TECRL: variants seen among roughly 807,000 people sequenced by gnomAD.
The protein encoded by TECRL is trans-2,3-enoyl-CoA reductase-like.
TECRL carries 63 observed loss-of-function variants against 52.8 expected under a neutral mutation model. The ratio of observed to expected loss-of-function variants is 1.19; its 90% CI spans 0.97 to 1.47. The LOEUF (loss-of-function observed/expected upper bound fraction) is 1.47. TECRL is among the 40% of genes most tolerant of loss of function. The pLI is 0.00. For synonymous variants in TECRL, 164 were observed against 141.9 expected (o/e 1.16, Z -1.10); for missense variants, 482 against 429.6 (o/e 1.12, Z -1.08).
intron 1 of TECRL, among the ~76,000 whole-genome samples, chr4:64,396,744 A>T (rs1230084493): frequency 1.3e-5 from 2 of 151,982 alleles, no homozygotes; most frequent in Non-Finnish European, 2.9e-5. Context: ...TAGTTCCATG[A>T]TTGTATTTCA....
At chr4:64,347,467 C>T (rs1202278439) in intron 2 of TECRL, among the ~76,000 whole-genome samples, 1 of 152,126 alleles carries the variant, frequency 6.6e-6, no homozygotes, top group African/African-American at 2.4e-5. Flanking sequence ...TTCATTTTCA[C>T]ACAACTGTAA....
At chr4:64,326,585 C>A (rs1332759479) in intron 3 of TECRL, among the ~76,000 whole-genome samples, 2 of 152,038 alleles carry the variant, frequency 1.3e-5, no homozygotes, top group East Asian at 3.9e-4. Context: ...TGTGAGTAGT[C>A]CAAACTATTT....
At chr4:64,303,358 T>C (rs902993943) in intron 7 of TECRL, among the ~76,000 whole-genome samples, 3 of 151,614 alleles carry the variant, frequency 2.0e-5, no homozygotes, top group Admixed American at 2.0e-4. Context: ...GTTTAAGAAA[T>C]AGGAGTCTCT....
chr4:64,328,679 A>G, intron 2 of TECRL, 123 bp from the exon 3 acceptor site: 4 of 728,142 alleles, frequency 5.5e-6, no homozygotes, highest in Non-Finnish European at 9.3e-6. Flanking sequence ...ATCTAGTGTC[A>G]GAAATAGAAA....
Position 64,299,986 on chromosome 4 carries a change from A to G in TECRL, c.762T>C (p.Ala254=). 1 of 1,580,176 alleles carries G rather than the reference A, an allele frequency of 6.3e-7. No individual in the cohort carries two copies. The highest frequency in any genetic ancestry group is 8.6e-7 in the Non-Finnish European group (1 of 1,160,130). ...SFGNRQITVS[A]INFLICEAGN... is the part of the protein sequence containing the mutation. ...ATATGATACATACCAGAAAATTGAT[A>G]GCAGATACTGTGATTTGCCTGTTTC... The change falls in exon 8 of 12, where the codon GCT becomes GCC. Residue 254 remains alanine (A), a synonymous_variant. Coordinates refer to ENST00000381210, the MANE Select transcript of TECRL (RefSeq NM_001010874.5).
chr4:64,393,984 T>A (rs900784491), intron 1 of TECRL, among the ~76,000 whole-genome samples: 2 of 152,070 alleles, frequency 1.3e-5, no homozygotes, highest in African/African-American at 4.8e-5. Flanking sequence ...AAATTCAGAC[T>A]TTTTTGGAGT....
intron 9 of TECRL, among the ~76,000 whole-genome samples, chr4:64,283,455 C>T (rs2109929861): frequency 6.6e-6 from 1 of 152,132 alleles, no homozygotes; most frequent in Middle Eastern, 3.4e-3. Context: ...GCTAATGGTA[C>T]AGGGTAGCAA....
intron 9 of TECRL, among the ~76,000 whole-genome samples, chr4:64,284,149 C>A (rs976791308): frequency 6.6e-6 from 1 of 151,968 alleles, no homozygotes; most frequent in Non-Finnish European, 1.5e-5. Flanking sequence ...GTTTTTGGAG[C>A]ACTGTCCTGG....
At chr4:64,407,961 A>G (rs918978377) in intron 1 of TECRL, among the ~76,000 whole-genome samples, 2 of 151,700 alleles carry the variant, frequency 1.3e-5, no homozygotes, top group African/African-American at 4.8e-5. Context: ...TCGCTTATAT[A>G]TGGCCTCAGT....
rs1718410471 is a variant in TECRL, at chr4:64,328,505, T to G, written c.331+7A>C. On this transcript the variant is annotated splice_region_variant and intron_variant, in intron 3 of 11. Coordinates refer to ENST00000381210, the MANE Select transcript of TECRL (RefSeq NM_001010874.5). ...AAATAAACACATCAGTGAAAAATGC[T>G]TCTTACCACATTCTAGCTGCAGACC... 6.2e-7 allele frequency: 1 copy of G among 1,610,354 alleles called. No homozygotes were observed. Among genetic ancestry groups the G allele is most frequent in the African/African-American group, 1.3e-5 (1 of 74,804 alleles).
chr4:64,322,760 G>A lies in TECRL; in HGVS notation c.364C>T (p.Gln122Ter). 2 of 1,611,870 alleles carry A rather than the reference G, an allele frequency of 1.2e-6. No homozygotes were observed. The highest frequency in any genetic ancestry group is 1.7e-6 in the Non-Finnish European group (2 of 1,178,912). The change falls in exon 4 of 12, where the codon CAA becomes TAA. Residue 122 changes from glutamine to a stop codon, truncating the protein, a stop_gained. Transcript: ENST00000381210. LOFTEE classifies it high-confidence loss of function. ...ACAATGGAGGAAGCTGCAATACTTT[G>A]AATGGTAATGTAGTCCTTCAAAAAA... ...GPFLKDYITI[Q>*]SIAASSIVTL...
chr4:64,301,285 T>A (rs951360647), intron 7 of TECRL, among the ~76,000 whole-genome samples: 4 of 151,148 alleles, frequency 2.6e-5, no homozygotes, highest in Non-Finnish European at 5.9e-5. Context: ...TTATAATATT[T>A]GATATAACAA....
At chr4:64,349,505 A>G (rs1720231323) in intron 2 of TECRL, among the ~76,000 whole-genome samples, 1 of 152,138 alleles carries the variant, frequency 6.6e-6, no homozygotes, top group South Asian at 2.1e-4. Context: ...GAAGAGTTTG[A>G]TTACCCTGAG....
chr4:64,315,607 AT>A (rs11310014), intron 4 of TECRL, among the ~76,000 whole-genome samples: 150,738 of 151,910 alleles, frequency 0.99, 74,797 homozygotes, highest in Non-Finnish European at 1. Flanking sequence ...ATCTGCTACC[AT>A]TTTTTTTTAA....
At chr4:64,350,738 CCT>C (rs1720328471) in intron 2 of TECRL, among the ~76,000 whole-genome samples, 1 of 151,704 alleles carries the variant, frequency 6.6e-6, no homozygotes, top group African/African-American at 2.4e-5. Context: ...GCAATTTTTC[CCT>C]GAGTCTCCAG....
chr4:64,389,217 GT>G (rs1352454079), intron 1 of TECRL, among the ~76,000 whole-genome samples: 1 of 151,856 alleles, frequency 6.6e-6, no homozygotes, highest in Non-Finnish European at 1.5e-5. Context: ...AAAGTTTTGA[GT>G]TTTTCACCAT....
At chr4:64,342,068 C>T (rs968716414) in intron 2 of TECRL, among the ~76,000 whole-genome samples, 1 of 152,154 alleles carries the variant, frequency 6.6e-6, no homozygotes, top group Admixed American at 6.5e-5. Context: ...AAGGAAAACT[C>T]AGGCAAAGGC....
intron 5 of TECRL, among the ~76,000 whole-genome samples, chr4:64,313,108 T>C (rs1228006447): frequency 3.3e-5 from 5 of 152,126 alleles, no homozygotes; most frequent in African/African-American, 1.2e-4. Flanking sequence ...ACTAACACAG[T>C]AGCTAATCAG....
chr4:64,306,129 T>C (rs1388599591), intron 6 of TECRL, among the ~76,000 whole-genome samples: 2 of 152,144 alleles, frequency 1.3e-5, no homozygotes, highest in African/African-American at 4.8e-5. Context: ...CTCTTGCCTC[T>C]CTTTATTATA....
Sources: gnomAD v4.1 joint callset for allele counts (sites outside exome capture counted in the v4.1 genomes callset) on GRCh38, gnomAD v4.1.1 for gene constraint, MANE v1.5 for transcripts, NCBI Gene and HGNC (gene_info 2026-07-23, HGNC 2026-07-21) for gene names.